The following TBC1D4 variants were observed in gnomAD, a reference collection of about 807,000 sequenced individuals.
TBC1D4 encodes the protein TBC (Tre-2, BUB2, CDC16) domain-containing protein.
Under a neutral mutation model 142.5 loss-of-function variants are expected in TBC1D4, and 121 were observed. The ratio of observed to expected loss-of-function variants is 0.85; its 90% CI spans 0.73 to 0.99. The LOEUF (loss-of-function observed/expected upper bound fraction) is 0.99. Among genes scored for constraint, TBC1D4 ranks in the 50% least tolerant of loss-of-function variants. The pLI is 0.00. For synonymous variants in TBC1D4, 630 were observed against 628.2 expected (o/e 1.00, Z -0.04); for missense variants, 1,475 against 1,606.6 (o/e 0.92, Z 1.40).
chr13:75,451,666 C>T (rs1468872671), intron 1 of TBC1D4, among the ~76,000 whole-genome samples: 1 of 149,652 alleles, frequency 6.7e-6, no homozygotes, highest in East Asian at 1.9e-4. Context: ...GGTAATAGAA[C>T]AAGTTCCTAT....
At chr13:75,290,595 C>T (rs998837032) in intron 19 of TBC1D4, among the ~76,000 whole-genome samples, 13 of 152,084 alleles carry the variant, frequency 8.5e-5, no homozygotes, top group Non-Finnish European at 1.8e-4. Context: ...AAAAGCTACA[C>T]TTTTCAGCTT....
At chr13:75,382,271 C>G (rs1277982406) in intron 1 of TBC1D4, among the ~76,000 whole-genome samples, 2 of 152,182 alleles carry the variant, frequency 1.3e-5, no homozygotes, top group Non-Finnish European at 2.9e-5. Flanking sequence ...TGTCCAATGT[C>G]TATTTACATG....
intron 1 of TBC1D4, among the ~76,000 whole-genome samples, chr13:75,439,337 C>T (rs1384239197): frequency 2.0e-5 from 3 of 152,072 alleles, no homozygotes; most frequent in Non-Finnish European, 4.4e-5. Flanking sequence ...TTTACTTTTT[C>T]ACAGTTCAAA....
intron 17 of TBC1D4, among the ~76,000 whole-genome samples, chr13:75,295,685 T>C (rs189360877): frequency 6.6e-6 from 1 of 152,324 alleles, no homozygotes; most frequent in African/African-American, 2.4e-5. Flanking sequence ...GTTATTGGCA[T>C]TTCAGAAAAC....
chr13:75,341,701 C>T, intron 5 of TBC1D4, 114 bp from the exon 6 acceptor site: 1 of 817,916 alleles, frequency 1.2e-6, no homozygotes, highest in South Asian at 1.4e-5. Flanking sequence ...TAAATCTTCT[C>T]AAGGAGACGT....
At chr13:75,303,639 T>C (rs966504406) in intron 15 of TBC1D4, among the ~76,000 whole-genome samples, 1 of 152,246 alleles carries the variant, frequency 6.6e-6, no homozygotes, top group Non-Finnish European at 1.5e-5. Flanking sequence ...GTTAAGGAAA[T>C]GCTTAATGAC....
chr13:75,465,837 C>A (rs958140970), intron 1 of TBC1D4, among the ~76,000 whole-genome samples: 1 of 152,168 alleles, frequency 6.6e-6, no homozygotes, highest in Non-Finnish European at 1.5e-5. Context: ...TCCACAACCC[C>A]TTATCTTAAC....
intron 1 of TBC1D4, among the ~76,000 whole-genome samples, chr13:75,411,090 G>C (rs990130243): frequency 1.3e-5 from 2 of 151,738 alleles, no homozygotes; most frequent in Non-Finnish European, 2.9e-5. Context: ...GAACCCAAAC[G>C]TTACGCCATA....
chr13:75,405,259 T>C (rs1256636522), intron 1 of TBC1D4, among the ~76,000 whole-genome samples: 1 of 142,972 alleles, frequency 7.0e-6, no homozygotes, highest in African/African-American at 2.5e-5. Context: ...TATATATACA[T>C]GTATATATGC....
At chr13:75,413,716 G>A (rs1319959893) in intron 1 of TBC1D4, among the ~76,000 whole-genome samples, 10 of 152,014 alleles carry the variant, frequency 6.6e-5, no homozygotes, top group South Asian at 2.1e-4. Context: ...GCATCACGGC[G>A]GGAAACACTT....
Position 75,356,172 on chromosome 13 carries a change from A to G in TBC1D4, c.1250T>C (p.Val417Ala), listed in dbSNP as rs1593782236. The change falls in exon 4 of 21, where the codon GTA becomes GCA. Residue 417 changes from valine (V) to alanine (A), a missense_variant. Physicochemically the swap from Val to Ala is moderately conservative, Grantham distance 64. Transcript: ENST00000377636. ...EPGLSQYICYVFQCASESLVD... is the reference protein window; with the variant it reads ...EPGLSQYICYAFQCASESLVD... Reference sequence around the variant, plus strand: ...CAGAGATTCGCTGGCACACTGGAATACATAACAAATATACTGGCTAAGTCC... The same window carrying G: ...CAGAGATTCGCTGGCACACTGGAATGCATAACAAATATACTGGCTAAGTCC... 6.2e-7 allele frequency: 1 copy of G among 1,613,772 alleles called. No homozygotes were observed. The highest frequency in any genetic ancestry group is 1.1e-5 in the South Asian group (1 of 91,046).
rs1449167425 is a variant in TBC1D4 at position 75,362,473 on chromosome 13, G to C, written c.633C>G (p.Thr211=). 6 of 1,614,216 alleles carry C rather than the reference G, an allele frequency of 3.7e-6. No individual in the cohort carries two copies. The South Asian group carries it at 6.6e-5, about 18-fold the overall frequency. ...KFEVLYCGKV[T]VTHKKAPSSL... is the part of the protein sequence containing the mutation. ...TTGAGGGGGCCTTCTTGTGGGTCAC[G>C]GTCACCTTTCCACAGTACAGGACTT... The change falls in exon 2 of 21, where the codon ACC becomes ACG. Residue 211 remains threonine, a synonymous_variant. Transcript: ENST00000377636. This position sits in a 1 kb window ranked among gnomAD's most constrained non-coding sequence, Gnocchi z 4.2.
intron 1 of TBC1D4, among the ~76,000 whole-genome samples, chr13:75,404,413 AT>A (rs1440160293): frequency 2.6e-5 from 4 of 152,152 alleles, no homozygotes; most frequent in African/African-American, 7.2e-5. Context: ...AACACATTAC[AT>A]TTAGTCATAT....
At chr13:75,378,207 A>G (rs887635946) in intron 1 of TBC1D4, among the ~76,000 whole-genome samples, 46 of 152,296 alleles carry the variant, frequency 3.0e-4, no homozygotes, top group African/African-American at 1.1e-3. Flanking sequence ...CAATTTTACT[A>G]AAAGTTGGTT....
intron 1 of TBC1D4, among the ~76,000 whole-genome samples, chr13:75,377,474 A>C (rs1883581085): frequency 6.6e-6 from 1 of 152,150 alleles, no homozygotes; most frequent in South Asian, 2.1e-4. Context: ...AATGGCCCTG[A>C]AAGTCAATGG....
Position 75,324,296 on chromosome 13 carries a change from G to T in TBC1D4, c.2139C>A (p.Phe713Leu). 2 of 1,613,996 alleles carry T rather than the reference G, an allele frequency of 1.2e-6. No homozygotes were observed. Among genetic ancestry groups the T allele is most frequent in the South Asian group, 1.1e-5 (1 of 91,084 alleles). The change falls in exon 11 of 21, where the codon TTC becomes TTA. Residue 713 changes from phenylalanine (F) to leucine (L), a missense_variant. By Grantham distance (22) the Phe-to-Leu change is conservative (BLOSUM62 0). Transcript: ENST00000377636. ...FSAPSFTAPS[F>L]LKSFYQNSGR... ...CTGAATTCTGGTAAAAGCTTTTCAG[G>T]AAAGAGGGGGCAGTGAAGGAAGGGG...
intron 1 of TBC1D4, among the ~76,000 whole-genome samples, chr13:75,416,946 T>C (rs1470641890): frequency 6.6e-6 from 1 of 152,194 alleles, no homozygotes; most frequent in Non-Finnish European, 1.5e-5. Flanking sequence ...CAAACTGCCC[T>C]GCAAGTATCT....
At chr13:75,480,674 T>C (rs1229893368) in intron 1 of TBC1D4, among the ~76,000 whole-genome samples, 1 of 152,180 alleles carries the variant, frequency 6.6e-6, no homozygotes, top group Middle Eastern at 3.2e-3. Context: ...GAATCCTTCT[T>C]TGCAGACAAT....
chr13:75,379,808 C>T (rs1478792651), intron 1 of TBC1D4, among the ~76,000 whole-genome samples: 2 of 149,692 alleles, frequency 1.3e-5, no homozygotes, highest in African/African-American at 2.4e-5. Context: ...AACTAAACAA[C>T]ACATTTACCA....
Sources: gnomAD v4.1 joint callset for allele counts (sites outside exome capture counted in the v4.1 genomes callset) on GRCh38, gnomAD v4.1.1 for gene constraint, Gnocchi (gnomAD v3.1) non-coding constraint, MANE v1.5 for transcripts, NCBI Gene and HGNC (gene_info 2026-07-23, HGNC 2026-07-21) for gene names.